MTTP: variants seen among roughly 807,000 people sequenced by gnomAD.
MTTP encodes the protein microsomal triglyceride transfer protein large subunit.
MTTP carries 49 observed loss-of-function variants against 90.6 expected under a neutral mutation model. That is an observed-to-expected ratio of 0.54 (90% CI 0.43 to 0.69). The LOEUF (loss-of-function observed/expected upper bound fraction) is 0.69. MTTP is among the 30% of genes least tolerant of loss of function. The pLI is 0.00. For missense variants in MTTP, 945 were observed against 1,067.5 expected (o/e 0.89, Z 1.60); for synonymous variants, 347 against 384.2 (o/e 0.90, Z 1.13).
intron 3 of MTTP, among the ~76,000 whole-genome samples, chr4:99,585,378 C>A (rs1725235345): frequency 6.6e-6 from 1 of 152,100 alleles, no homozygotes. Context: ...GGAGTTGGGA[C>A]TTGAAATAGA....
rs1354613912 is a variant in MTTP, at chr4:99,611,377, C to T, written c.1913C>T (p.Ser638Leu). 11 of 1,613,850 alleles carry T rather than the reference C, an allele frequency of 6.8e-6. No individual in the cohort carries two copies. Among genetic ancestry groups the T allele is most frequent in the South Asian group, 1.1e-5 (1 of 91,084 alleles). The change falls in exon 14 of 18, where the codon TCG becomes TTG. Residue 638 changes from serine (S) to leucine (L), a missense_variant. Ser to Leu is a moderately radical substitution (Grantham distance 145, BLOSUM62 -2). Coordinates refer to ENST00000265517, the MANE Select transcript of MTTP (RefSeq NM_001386140.1). ...ACTTACAGCCTAGACATTCTCTACTCGGGTTCTGGCATTCTAAGGAGAAGT... is the reference window on the plus strand; with the variant it reads ...ACTTACAGCCTAGACATTCTCTACTTGGGTTCTGGCATTCTAAGGAGAAGT... ...ASTYSLDILY[S>L]GSGILRRSNL... is the part of the protein sequence containing the mutation.
chr4:99,623,079 C>A lies in MTTP; in HGVS notation c.*231C>A. 1.8e-6 allele frequency: 1 copy of A among 555,618 alleles called. No homozygotes were observed. The highest frequency in any genetic ancestry group is 3.2e-6 in the Non-Finnish European group (1 of 309,574). The allele number at this position is 555,618 out of a possible 1,614,324, so 34.4% of individuals were successfully genotyped here. ...CGCTTTCAACAACGTTCTTAGTTTACTTATACCTCTCTCAAATCTCATTTG... is the reference window on the plus strand; with the variant it reads ...CGCTTTCAACAACGTTCTTAGTTTAATTATACCTCTCTCAAATCTCATTTG... On this transcript the variant is annotated 3_prime_UTR_variant, in exon 18 of 18. Transcript: ENST00000265517.
At chr4:99,571,347 TC>T (rs1156997074), upstream of MTTP, among the ~76,000 whole-genome samples, 2 of 151,956 alleles carry the variant, frequency 1.3e-5, no homozygotes, top group African/African-American at 4.8e-5. Flanking sequence ...TTTTTAAATG[TC>T]TGATAAATTT....
chr4:99,569,908 T>C (rs1724796814), upstream of MTTP, among the ~76,000 whole-genome samples: 1 of 152,040 alleles, frequency 6.6e-6, no homozygotes, highest in Admixed American at 6.5e-5. Flanking sequence ...AATGGCTTCA[T>C]GGAATTCTGT....
intron 15 of MTTP, among the ~76,000 whole-genome samples, chr4:99,615,295 G>T (rs558888837): frequency 6.6e-6 from 1 of 152,250 alleles, no homozygotes; most frequent in Admixed American, 6.5e-5. Context: ...TAACAAATGA[G>T]TATGGCTGTG....
upstream of MTTP, among the ~76,000 whole-genome samples, chr4:99,571,640 T>C (rs556559166): frequency 9.2e-5 from 14 of 151,950 alleles, no homozygotes; most frequent in Non-Finnish European, 4.4e-5. Flanking sequence ...AAACCAAGTT[T>C]GCTTTTGATA....
chr4:99,618,792 CAG>C (rs1726160097), intron 15 of MTTP, among the ~76,000 whole-genome samples, 180 bp from the exon 16 acceptor site: 1 of 152,150 alleles, frequency 6.6e-6, no homozygotes, highest in South Asian at 2.1e-4. Context: ...AGCAAATCAA[CAG>C]AGTCTACTTC....
rs1192982254 is a variant in MTTP, at chr4:99,591,771, A to G, written c.739A>G (p.Lys247Glu). ...TGGACTGAATTTCCTACAAACCATT[A>G]AGGGGAAAATAGTATCGAAGTAAGA... ...NFGLNFLQTI[K>E]GKIVSKQKLE... The change falls in exon 6 of 18, where the codon AAG becomes GAG. Residue 247 changes from lysine to glutamate, a missense_variant. By Grantham distance (56) the Lys-to-Glu change is moderately conservative. Coordinates refer to ENST00000265517, the MANE Select transcript of MTTP (RefSeq NM_001386140.1). 2 of 1,612,514 alleles carry G rather than the reference A, an allele frequency of 1.2e-6. No homozygotes were observed. The highest frequency in any genetic ancestry group is 4.5e-5 in the East Asian group (2 of 44,828).
chr4:99,589,815 A>T, intron 4 of MTTP, 65 bp downstream of exon 4: 4 of 1,109,684 alleles, frequency 3.6e-6, no homozygotes, highest in Non-Finnish European at 5.5e-6. Context: ...CTACTTATAC[A>T]ATTTCAGTAG....
rs140859988 is a variant in MTTP, at chr4:99,594,829, G to A, written c.855G>A (p.Thr285=). The A allele has an allele frequency of 1.8e-5, 29 of 1,613,992 alleles. No homozygotes were observed. Among genetic ancestry groups the A allele is most frequent in the Non-Finnish European group, 2.1e-5 (25 of 1,179,918 alleles). ...AIIKAVDSKY[T]AIPIVGQVFQ... ...TCAAAGCAGTTGATTCAAAGTACAC[G>A]GCCATTCCCATTGTGGGGCAGGTCT... Residue 285 remains threonine, a synonymous_variant, in exon 7 of 18, where the codon ACG becomes ACA. Coordinates refer to ENST00000265517, the MANE Select transcript of MTTP (RefSeq NM_001386140.1).
chr4:99,564,405 A>T, intron 1 of MTTP: 2 of 642,760 alleles, frequency 3.1e-6, no homozygotes, highest in Non-Finnish European at 2.5e-6. Flanking sequence ...ACATAACTCA[A>T]GTGGAAAATT....
In MTTP at chr4:99,623,097, C is replaced by T. The variant is rs1726282303; in HGVS notation, c.*249C>T. 1 of 524,070 alleles carries T rather than the reference C, an allele frequency of 1.9e-6. No homozygotes were observed. Among genetic ancestry groups the T allele is most frequent in the East Asian group, 3.5e-5 (1 of 28,674 alleles). 32.5% of individuals were successfully genotyped at this position (524,070 alleles called of 1,614,324 possible). A position where few individuals can be genotyped will look rare whatever the true frequency, so the allele number is the denominator to read the frequency against. On this transcript the variant is annotated 3_prime_UTR_variant, in exon 18 of 18. Coordinates refer to ENST00000265517, the MANE Select transcript of MTTP (RefSeq NM_001386140.1). ...TAGTTTACTTATACCTCTCTCAAATCTCATTTGGTACAGTCAGAATAGTTA... is the reference window on the plus strand; with the variant it reads ...TAGTTTACTTATACCTCTCTCAAATTTCATTTGGTACAGTCAGAATAGTTA...
At chr4:99,608,621 G>A (rs984152575) in intron 11 of MTTP, 145 bp from the exon 12 acceptor site, 6 of 717,916 alleles carry the variant, frequency 8.4e-6, no homozygotes, top group East Asian at 2.7e-5. Context: ...AACTAGTCAC[G>A]TGGCCCCCAC....
Position 99,581,929 on chromosome 4 carries a change from A to G in MTTP, c.86A>G (p.Asn29Ser), listed in dbSNP as rs767950510. 4.3e-6 allele frequency: 7 copies of G among 1,614,188 alleles called. No individual in the cohort carries two copies. The African/African-American group carries it at 6.7e-5, about 15-fold the overall frequency. ...VKGHTTGLSLNNDRLYKLTYS... is the reference protein window; with the variant it reads ...VKGHTTGLSLSNDRLYKLTYS... ...GGTCACACAACTGGTCTCTCATTAA[A>G]TAATGACCGGCTGTACAAGCTCACG... Residue 29 changes from asparagine to serine, a missense_variant, in exon 2 of 18, where the codon AAT becomes AGT. Transcript: ENST00000265517.
At chr4:99,595,986 A>G (rs1251389503) in intron 7 of MTTP, among the ~76,000 whole-genome samples, 2 of 151,970 alleles carry the variant, frequency 1.3e-5, no homozygotes, top group Non-Finnish European at 2.9e-5. Context: ...GCTTTTCCAA[A>G]TTTGGAATTC....
At chr4:99,606,995 A>AAT in intron 11 of MTTP, 35 bp downstream of exon 11, 1 of 1,559,984 alleles carries the variant, frequency 6.4e-7, no homozygotes, top group Non-Finnish European at 8.8e-7. Context: ...ACATTTACAG[A>AAT]AGAAAAAAAA....
intron 1 of MTTP, among the ~76,000 whole-genome samples, chr4:99,576,678 G>A (rs1173909780): frequency 3.8e-4 from 43 of 114,394 alleles, no homozygotes; most frequent in Admixed American, 1.6e-3. Flanking sequence ...CTGGGCGACA[G>A]AGCGAGACTC....
In MTTP at chr4:99,611,055, T is replaced by A. The variant is rs543683566; in HGVS notation, c.1770-88T>A. 2.1e-3 allele frequency: 3,111 copies of A among 1,452,020 alleles called. 8 individuals are homozygous for A. Among genetic ancestry groups the A allele is most frequent in the Non-Finnish European group, 2.7e-3 (2,776 of 1,040,574 alleles). 89.9% of individuals were successfully genotyped at this position (1,452,020 alleles called of 1,614,324 possible). The stretch of plus-strand genomic sequence containing the variant: ...GAGGAAAATTTGGCTTCCTCTTTTT[T>A]CCACTGAGGATTTTTTTTTTCCAAA... On this transcript the variant is annotated intron_variant, in intron 12 of 17. Coordinates refer to ENST00000265517, the MANE Select transcript of MTTP (RefSeq NM_001386140.1).
At chr4:99,613,807 G>A (rs1445308115) in intron 15 of MTTP, among the ~76,000 whole-genome samples, 3 of 152,140 alleles carry the variant, frequency 2.0e-5, no homozygotes, top group African/African-American at 4.8e-5. Context: ...CTTTGATGCA[G>A]TAAGATTTAA....
Sources: allele counts gnomAD v4.1 joint callset (sites outside exome capture counted in the v4.1 genomes callset), GRCh38; gene constraint gnomAD v4.1.1; transcripts MANE v1.5; gene names NCBI Gene and HGNC (gene_info 2026-07-23, HGNC 2026-07-21).